Variants in DLC1 observed in about 807,000 individuals in gnomAD.
DLC1 encodes the protein DLC1 Rho GTPase activating protein.
DLC1 carries 54 observed loss-of-function variants against 140.3 expected under a neutral mutation model. The observed-to-expected ratio is 0.38, with a 90% CI of 0.31 to 0.48. The LOEUF is 0.48. Ranked by LOEUF, DLC1 falls within the 20% of genes least tolerant of loss-of-function variation. DLC1 has a pLI of 0.96. For synonymous variants in DLC1, 986 were observed against 728.1 expected, an observed-to-expected ratio of 1.35 and a Z score of -5.70; for missense variants, 2,536 against 1,907.0, an observed-to-expected ratio of 1.33 and a Z score of -6.14.
At chr8:13,382,650 A>G (rs181621088) in intron 4 of DLC1, among the ~76,000 whole-genome samples, 21 of 152,302 alleles carry the variant, frequency 1.4e-4, no homozygotes, top group African/African-American at 3.8e-4. Flanking sequence ...TGATACTACA[A>G]TAAAGAAACA....
At position 13,576,364 on chromosome 8, in the gene DLC1, C is replaced by T. The variant is rs1031043511; in HGVS notation, c.-126+28173G>A. Among the ~76,000 whole-genome samples the T allele has an allele frequency of 2.6e-5, 4 of 152,178 alleles. No individual in the cohort carries two copies. The East Asian group carries it at 5.8e-4, about 22-fold the overall frequency. On this transcript the variant is annotated intron_variant, in intron 1 of 1. Transcript: ENST00000631382. ...AGTGCCTATTGTATTGCAATTTGAC[C>T]AGATTCTAGAGTTCTTTGGTTGAGA...
chr8:13,586,267 C>T (rs531622360), intron 1 of DLC1, among the ~76,000 whole-genome samples: 1 of 152,098 alleles, frequency 6.6e-6, no homozygotes, highest in Non-Finnish European at 1.5e-5. Flanking sequence ...TTAACCAAGA[C>T]AGAGAGAATG....
At chr8:13,405,875 T>TTC (rs1321255708) in intron 2 of DLC1, among the ~76,000 whole-genome samples, 2 of 150,366 alleles carry the variant, frequency 1.3e-5, no homozygotes, top group East Asian at 2.0e-4. Flanking sequence ...TTCTTTTCTT[T>TTC]TTTCTTTTCT....
At chr8:13,441,209 C>G (rs1031433153) in intron 2 of DLC1, among the ~76,000 whole-genome samples, 2 of 152,134 alleles carry the variant, frequency 1.3e-5, no homozygotes, top group Non-Finnish European at 2.9e-5. Context: ...GGACGTATCT[C>G]AAAATAATAA....
At position 13,092,793 on chromosome 8, in the gene DLC1, T is replaced by C; in HGVS notation, c.3559A>G (p.Lys1187Glu). The change falls in exon 13 of 18, where the codon AAG becomes GAG. Residue 1187 changes from lysine (K) to glutamate (E), a missense_variant. By Grantham distance (56) the Lys-to-Glu change is moderately conservative. Transcript: ENST00000276297. ...TCAGGCAGCAGCATGATGGCAGCCT[T>C]GATGGCCTGCAGGCGCTGGTCCTTG... Reference protein sequence around the residue: ...VPKDQRLQAIKAAIMLLPDEN... With the variant: ...VPKDQRLQAIEAAIMLLPDEN... 6.2e-7 allele frequency: 1 copy of C among 1,614,028 alleles called. No homozygotes were observed. Among genetic ancestry groups the C allele is most frequent in the South Asian group, 1.1e-5 (1 of 91,036 alleles).
chr8:13,090,006 G>C (rs1483121319), intron 15 of DLC1, among the ~76,000 whole-genome samples: 2 of 152,214 alleles, frequency 1.3e-5, no homozygotes, highest in African/African-American at 4.8e-5. Context: ...ATTCTGTAGA[G>C]CCAAAGGAGT....
chr8:13,398,041 G>A (rs1332458769), intron 3 of DLC1, among the ~76,000 whole-genome samples: 2 of 151,834 alleles, frequency 1.3e-5, no homozygotes, highest in African/African-American at 4.8e-5. Context: ...TGAGGCAGGA[G>A]AATTGCTTGA....
chr8:13,533,027 G>A (rs11989952), intron 1 of DLC1, among the ~76,000 whole-genome samples: 3,094 of 152,200 alleles, frequency 0.02, 131 homozygotes, highest in African/African-American at 0.07. Context: ...ACTAGCCTGT[G>A]GAATAATTGT....
Position 13,091,103 on chromosome 8 carries a change from C to T in DLC1, c.3855+215G>A, listed in dbSNP as rs540390586. 2.5e-4 allele frequency among the ~76,000 whole-genome samples: 38 copies of T among 152,238 alleles called. No homozygotes were observed. In the East Asian group the frequency reaches 4.6e-3, roughly 19 times the overall value. On this transcript the variant is annotated intron_variant, in intron 14 of 17. Coordinates refer to ENST00000276297, the MANE Select transcript of DLC1 (RefSeq NM_182643.3). ...AATTACAGGCGTGAGCCACTGCGCC[C>T]GGCTGCTTTTCCAAGTAAAGGGACA...
intron 4 of DLC1, among the ~76,000 whole-genome samples, chr8:13,389,395 A>G (rs1453002328): frequency 6.6e-6 from 1 of 152,098 alleles, no homozygotes; most frequent in Non-Finnish European, 1.5e-5. Flanking sequence ...ACATGATACA[A>G]GGGCTCGCGG....
chr8:13,312,644 T>A (rs1832725027), intron 4 of DLC1, among the ~76,000 whole-genome samples: 2 of 152,042 alleles, frequency 1.3e-5, no homozygotes, highest in Admixed American at 6.6e-5. Flanking sequence ...ATAGAAAAAA[T>A]GCCTATTAAA....
At chr8:13,287,342 TA>T (rs1831567922) in intron 5 of DLC1, among the ~76,000 whole-genome samples, 1 of 152,194 alleles carries the variant, frequency 6.6e-6, no homozygotes, top group African/African-American at 2.4e-5. Context: ...AATCTAACGA[TA>T]AAAAAATCTT....
At chr8:13,214,712 T>A (rs1457923279) in intron 5 of DLC1, 1 of 780,860 alleles carries the variant, frequency 1.3e-6, no homozygotes, top group Non-Finnish European at 2.4e-6. Context: ...ACTTCCGAGT[T>A]GGAAAAATTG....
intron 1 of DLC1, among the ~76,000 whole-genome samples, chr8:13,543,581 A>AAAATG (rs1803556891): frequency 6.6e-6 from 1 of 152,312 alleles, no homozygotes; most frequent in African/African-American, 2.4e-5. Context: ...GTGGATAAAG[A>AAAATG]AAATGTGATA....
At chr8:13,198,323 T>G (rs1827183821) in intron 5 of DLC1, among the ~76,000 whole-genome samples, 1 of 152,154 alleles carries the variant, frequency 6.6e-6, no homozygotes. Context: ...TCCATTTGTT[T>G]TGAATTGGTA....
chr8:13,166,344 T>C (rs997139326), intron 5 of DLC1, among the ~76,000 whole-genome samples: 1 of 152,150 alleles, frequency 6.6e-6, no homozygotes, highest in African/African-American at 2.4e-5. Context: ...TTCTCTCATT[T>C]ATTTATTTAT....
intron 5 of DLC1, among the ~76,000 whole-genome samples, chr8:13,219,575 T>C (rs1028891886): frequency 1.3e-5 from 2 of 151,556 alleles, no homozygotes; most frequent in African/African-American, 4.8e-5. Flanking sequence ...CAAATTCAAA[T>C]TTCCTTCGTG....
chr8:13,213,854 G>A (rs1160523526), intron 5 of DLC1, among the ~76,000 whole-genome samples: 1 of 151,624 alleles, frequency 6.6e-6, no homozygotes, highest in African/African-American at 2.4e-5. Flanking sequence ...CGTGATCTCA[G>A]TTCACTGCAA....
chr8:13,186,859 G>A (rs1028720336), intron 5 of DLC1, among the ~76,000 whole-genome samples: 8 of 152,214 alleles, frequency 5.3e-5, no homozygotes, highest in African/African-American at 1.2e-4. Context: ...TTTTGTTGAT[G>A]TTGATGCTAT....
Sources: allele counts gnomAD v4.1 joint callset (sites outside exome capture counted in the v4.1 genomes callset), GRCh38; gene constraint gnomAD v4.1.1; transcripts MANE v1.5; gene names NCBI Gene and HGNC (gene_info 2026-07-23, HGNC 2026-07-21).